Variants in OR1A1 observed in about 807,000 individuals in gnomAD.
OR1A1 encodes olfactory receptor family 1 subfamily A member 1.
For missense variants in OR1A1, 391 were observed against 379.9 expected (o/e 1.03, Z -0.24); for synonymous variants, 145 against 147.8 (o/e 0.98, Z 0.13).
intron 3 of OR1A1, chr17:3,215,337 A>T: frequency 2.6e-6 from 1 of 389,342 alleles, no homozygotes; most frequent in Non-Finnish European, 4.6e-6. Flanking sequence ...TATATGATTA[A>T]TTTCTAGGCG....
Position 3,216,513 on chromosome 17 carries a change from C to A in OR1A1, c.893C>A (p.Ala298Asp), listed in dbSNP as rs2048470911. 2 of 1,613,442 alleles carry A rather than the reference C, an allele frequency of 1.2e-6. No individual in the cohort carries two copies. The highest frequency in any genetic ancestry group is 1.7e-6 in the Non-Finnish European group (2 of 1,179,586). The part of the protein sequence containing the change: ...YSLRNRDMKA[A>D]LRKLFNKRIS... ...CTGAGAAATCGGGACATGAAGGCTGCCCTGCGGAAACTCTTCAACAAGAGA... is the reference window on the plus strand; with the variant it reads ...CTGAGAAATCGGGACATGAAGGCTGACCTGCGGAAACTCTTCAACAAGAGA... The change falls in exon 4 of 4, where the codon GCC becomes GAC. Residue 298 changes from alanine to aspartate, a missense_variant. Coordinates refer to ENST00000641732, the MANE Select transcript of OR1A1 (RefSeq NM_014565.3).
chr17:3,211,057 T>G lies in OR1A1; in HGVS notation c.-138-1410T>G, dbSNP rs114225094. Among the ~76,000 whole-genome samples the G allele has an allele frequency of 5.2e-3, 788 of 152,328 alleles. 8 individuals are homozygous for G. The highest frequency in any genetic ancestry group is 0.017 in the African/African-American group (716 of 41,572). On this transcript the variant is annotated intron_variant, in intron 2 of 3. Transcript: ENST00000641732. ...ATTTTTCTGTATAACTTCTCATATA[T>G]AGATAACCAACTGTCCAATGACTCT...
intron 3 of OR1A1, chr17:3,214,926 C>A (rs1210287462): frequency 6.6e-6 from 1 of 152,076 alleles, no homozygotes; most frequent in Admixed American, 6.5e-5. Context: ...AAATGAGACA[C>A]CTGGGGAGAA....
chr17:3,216,286 C>T lies in OR1A1; in HGVS notation c.666C>T (p.Ser222=). 6.2e-7 allele frequency: 1 copy of T among 1,614,190 alleles called. No individual in the cohort carries two copies. Among genetic ancestry groups the T allele is most frequent in the Non-Finnish European group, 8.5e-7 (1 of 1,180,034 alleles). Residue 222 remains serine, a synonymous_variant, in exon 4 of 4, where the codon TCC becomes TCT. Transcript: ENST00000641732. The part of the protein sequence containing the change: ...CIIVSYIRVF[S]TVFQVPSTKG... ...TTGTCTCCTATATTCGAGTCTTCTCCACAGTCTTCCAGGTTCCTTCCACCA... is the reference window on the plus strand; with the variant it reads ...TTGTCTCCTATATTCGAGTCTTCTCTACAGTCTTCCAGGTTCCTTCCACCA...
chr17:3,210,774 T>G (rs1488384372), intron 2 of OR1A1, among the ~76,000 whole-genome samples: 2 of 152,054 alleles, frequency 1.3e-5, no homozygotes, highest in Non-Finnish European at 2.9e-5. Context: ...CCTGGCTAAT[T>G]TTTGTGTTTT....
rs1384594192 is a variant in OR1A1, at chr17:3,218,085, C to G, written c.*1535C>G. On this transcript the variant is annotated 3_prime_UTR_variant, in exon 4 of 4. Coordinates refer to ENST00000641732, the MANE Select transcript of OR1A1 (RefSeq NM_014565.3). ...GAACTTAAATTTACAGGAAAAAAAC[C>G]ACCCCATGAAAAAGTGGGCGAAGGA... 3 of 151,618 alleles carry G rather than the reference C, an allele frequency of 2.0e-5. No homozygotes were observed. The highest frequency in any genetic ancestry group is 4.4e-5 in the Non-Finnish European group (3 of 67,754). 9.4% of individuals were successfully genotyped at this position (151,618 alleles called of 1,614,324 possible).
At chr17:3,211,810 A>C (rs1005538837) in intron 2 of OR1A1, among the ~76,000 whole-genome samples, 3 of 152,232 alleles carry the variant, frequency 2.0e-5, no homozygotes, top group Non-Finnish European at 2.9e-5. Context: ...GTGCTTCACT[A>C]AAGTTTATTT....
chr17:3,215,750 C>G lies in OR1A1; in HGVS notation c.130C>G (p.Leu44Val), dbSNP rs982676054. ...IYPITLIGNLLIVLAICSDVR... is the reference protein window; with the variant it reads ...IYPITLIGNLVIVLAICSDVR... ...CCCCATCACATTGATTGGAAACCTG[C>G]TCATCGTCCTAGCCATTTGCTCTGA... is the stretch of plus-strand genomic sequence containing the variant. The change falls in exon 4 of 4, where the codon CTC becomes GTC. Residue 44 changes from leucine (L) to valine (V), a missense_variant. Physicochemically the swap from Leu to Val is conservative, Grantham distance 32. Coordinates refer to ENST00000641732, the MANE Select transcript of OR1A1 (RefSeq NM_014565.3). 4 of 1,614,168 alleles carry G rather than the reference C, an allele frequency of 2.5e-6. No homozygotes were observed. Among genetic ancestry groups the G allele is most frequent in the Non-Finnish European group, 3.4e-6 (4 of 1,180,034 alleles).
chr17:3,211,371 T>G (rs1331523524), intron 2 of OR1A1, among the ~76,000 whole-genome samples: 1 of 151,996 alleles, frequency 6.6e-6, no homozygotes, highest in Non-Finnish European at 1.5e-5. Context: ...ATTTTGCTCC[T>G]TCCCCCAGGC....
chr17:3,218,750 C>T lies in OR1A1; in HGVS notation c.*2200C>T, dbSNP rs1481205327. ...CACATGGACACAAGGAAGGGCACATCACACACCAGGGCCTGTCAGCGGGTT... is the reference window on the plus strand; with the variant it reads ...CACATGGACACAAGGAAGGGCACATTACACACCAGGGCCTGTCAGCGGGTT... On this transcript the variant is annotated 3_prime_UTR_variant, in exon 4 of 4. Coordinates refer to ENST00000641732, the MANE Select transcript of OR1A1 (RefSeq NM_014565.3). The T allele has an allele frequency of 6.6e-6, 1 of 152,124 alleles. No individual in the cohort carries two copies. 9.4% of individuals were successfully genotyped at this position (152,124 alleles called of 1,614,324 possible). A position where few individuals can be genotyped will look rare whatever the true frequency, so the allele number is the denominator to read the frequency against.
Position 3,217,615 on chromosome 17 carries a change from A to G in OR1A1, c.*1065A>G, listed in dbSNP as rs2048476866. On this transcript the variant is annotated 3_prime_UTR_variant, in exon 4 of 4. Transcript: ENST00000641732. The stretch of plus-strand genomic sequence containing the variant: ...GTGGAACAGAACAGAGACCTCACAA[A>G]TAACACCACACATCTACAACCATCT... The G allele has an allele frequency of 6.6e-6, 1 of 152,216 alleles. No homozygotes were observed. Among genetic ancestry groups the G allele is most frequent in the South Asian group, 2.1e-4 (1 of 4,834 alleles). The allele number at this position is 152,216 out of a possible 1,614,324, so 9.4% of individuals were successfully genotyped here.
intron 3 of OR1A1, chr17:3,214,661 T>C (rs1455676086): frequency 6.6e-6 from 1 of 152,132 alleles, no homozygotes; most frequent in Admixed American, 6.5e-5. Flanking sequence ...TTTGGTCACG[T>C]TGGCAGTATG....
rs2048418372 is a variant in OR1A1 at position 3,207,779 on chromosome 17, C to A, written c.-778C>A. 1 of 152,290 alleles carries A rather than the reference C, an allele frequency of 6.6e-6. No homozygotes were observed. Among genetic ancestry groups the A allele is most frequent in the Admixed American group, 6.5e-5 (1 of 15,284 alleles). The allele number at this position is 152,290 out of a possible 1,614,324, so 9.4% of individuals were successfully genotyped here. A position where few individuals can be genotyped will look rare whatever the true frequency, so the allele number is the denominator to read the frequency against. ...AGGATTGTTCCCCATCCTGCCACTG[C>A]TTCTCCAGCATGGCTGCCCTCAAAC... On this transcript the variant is annotated 5_prime_UTR_variant, in exon 1 of 4. Coordinates refer to ENST00000641732, the MANE Select transcript of OR1A1 (RefSeq NM_014565.3).
At position 3,216,585 on chromosome 17, in the gene OR1A1, C is replaced by G. The variant is rs750106890; in HGVS notation, c.*35C>G. 6 of 1,474,932 alleles carry G rather than the reference C, an allele frequency of 4.1e-6. No individual in the cohort carries two copies. In the East Asian group the frequency reaches 6.8e-5, roughly 17 times the overall value. 91.4% of individuals were successfully genotyped at this position (1,474,932 alleles called of 1,614,324 possible). A position where few individuals can be genotyped will look rare whatever the true frequency, so the allele number is the denominator to read the frequency against. On this transcript the variant is annotated 3_prime_UTR_variant, in exon 4 of 4. Transcript: ENST00000641732. ...GGGCCTACATTGGATACCGTAGTCA[C>G]CAGTTACGGTATATTGGAAATCCAG...
chr17:3,215,368 C>T (rs1040586846), intron 3 of OR1A1, among the ~76,000 whole-genome samples: 2 of 152,154 alleles, frequency 1.3e-5, no homozygotes, highest in African/African-American at 4.8e-5. Flanking sequence ...GTGCTTGGAA[C>T]AGGAAGGATG....
At position 3,216,554 on chromosome 17, in the gene OR1A1, A is replaced by G. The variant is rs1468862922; in HGVS notation, c.*4A>G. The G allele has an allele frequency of 1.9e-6, 3 of 1,602,852 alleles. No individual in the cohort carries two copies. The highest frequency in any genetic ancestry group is 1.3e-5 in the African/African-American group (1 of 74,632). ...CAACAAGAGAATCTCCTCGTAACCA[A>G]TGTGAGGGCCTACATTGGATACCGT... On this transcript the variant is annotated 3_prime_UTR_variant, in exon 4 of 4. Transcript: ENST00000641732.
rs188380383 is a variant in OR1A1 at position 3,216,630 on chromosome 17, C to G, written c.*80C>G. The G allele has an allele frequency of 1.9e-6, 2 of 1,061,742 alleles. No homozygotes were observed. Among genetic ancestry groups the G allele is most frequent in the Admixed American group, 2.3e-5 (1 of 42,786 alleles). 65.8% of individuals were successfully genotyped at this position (1,061,742 alleles called of 1,614,324 possible). A position where few individuals can be genotyped will look rare whatever the true frequency, so the allele number is the denominator to read the frequency against. The stretch of plus-strand genomic sequence containing the variant: ...ATCCAGTTCTGATGTCATCCTCCTA[C>G]GAGAGGCAGTCTCTGATCTTTCTAG... On this transcript the variant is annotated 3_prime_UTR_variant, in exon 4 of 4. Transcript: ENST00000641732.
intron 2 of OR1A1, among the ~76,000 whole-genome samples, chr17:3,209,999 CT>C (rs2048433470): frequency 6.6e-6 from 1 of 152,104 alleles, no homozygotes; most frequent in African/African-American, 2.4e-5. Flanking sequence ...CATCACATTG[CT>C]TTTCTTCCCT....
At position 3,217,450 on chromosome 17, in the gene OR1A1, A is replaced by G. The variant is rs919198696; in HGVS notation, c.*900A>G. ...TTCTTTAAATTTCGTATGGAACTAA[A>G]AAAGAGCCCGTATATCCAAGACAAT... On this transcript the variant is annotated 3_prime_UTR_variant, in exon 4 of 4. Transcript: ENST00000641732. 1 of 152,222 alleles carries G rather than the reference A, an allele frequency of 6.6e-6. No homozygotes were observed. Among genetic ancestry groups the G allele is most frequent in the African/African-American group, 2.4e-5 (1 of 41,458 alleles). 9.4% of individuals were successfully genotyped at this position (152,222 alleles called of 1,614,324 possible).
Sources: allele counts gnomAD v4.1 joint callset (sites outside exome capture counted in the v4.1 genomes callset), GRCh38; gene constraint gnomAD v4.1.1; transcripts MANE v1.5; gene names NCBI Gene and HGNC (gene_info 2026-07-23, HGNC 2026-07-21).